ANXA8: variants seen among roughly 807,000 people sequenced by gnomAD.
ANXA8 encodes VAC-beta.
A neutral mutation model predicts 26.8 loss-of-function variants in ANXA8; 9 were observed. The observed-to-expected ratio is 0.34, with a 90% CI of 0.20 to 0.59. ANXA8 has a LOEUF of 0.59. Ranked by LOEUF, ANXA8 falls within the 20% of genes least tolerant of loss-of-function variation. The pLI is 0.84. For missense variants in ANXA8, 83 were observed against 238.5 expected (o/e 0.35, Z 4.29); for synonymous variants, 39 against 94.8 (o/e 0.41, Z 3.42).
intron 6 of ANXA8, 43 bp from the exon 7 acceptor site, chr10:47,475,047 C>A: frequency 2.0e-6 from 3 of 1,531,300 alleles, no homozygotes; most frequent in Non-Finnish European, 2.7e-6. Context: ...GCCAGCTGAC[C>A]AGAGCATTAA....
At chr10:47,685,466 G>A in the ANXA8 span, among the ~76,000 whole-genome samples, 3 of 151,458 alleles carry the variant, frequency 2.0e-5, no homozygotes, top group African/African-American at 7.3e-5. Context: ...GGACTGCTTC[G>A]TGTCATCCCT....
chr10:47,898,811 A>ATTTTTTTTTTTTTT, the ANXA8 span, among the ~76,000 whole-genome samples: 11 of 56,260 alleles, frequency 2.0e-4, no homozygotes, highest in African/African-American at 6.0e-4. Context: ...AAGAGAATGG[A>ATTTTTTTTTTTTTT]TTTTTTTTTT....
the ANXA8 span, among the ~76,000 whole-genome samples, chr10:47,755,486 A>G: frequency 6.7e-6 from 1 of 148,522 alleles, no homozygotes; most frequent in East Asian, 2.0e-4. Flanking sequence ...CGATCTCCTG[A>G]CCTCGTGATC....
At chr10:47,928,875 C>G in the ANXA8 span, among the ~76,000 whole-genome samples, 22 of 115,904 alleles carry the variant, frequency 1.9e-4, 2 homozygotes, top group South Asian at 6.3e-3. Flanking sequence ...TCACCTCAGC[C>G]TCTTGAATAG....
chr10:47,533,166 C>A, the ANXA8 span, among the ~76,000 whole-genome samples: 2 of 149,420 alleles, frequency 1.3e-5, no homozygotes, highest in African/African-American at 5.0e-5. Flanking sequence ...TGAAAGAAGT[C>A]ATTCCAAGTA....
chr10:47,480,900 C>CCATCCATT (rs1169158138), intron 1 of ANXA8, among the ~76,000 whole-genome samples: 2 of 139,378 alleles, frequency 1.4e-5, no homozygotes, highest in African/African-American at 5.1e-5. Context: ...ATCCATCCAT[C>CCATCCATT]CATCCATCGA....
At chr10:47,942,310 G>T in the ANXA8 span, among the ~76,000 whole-genome samples, 1 of 145,658 alleles carries the variant, frequency 6.9e-6, no homozygotes, top group African/African-American at 2.7e-5. Flanking sequence ...AAAACAAAAT[G>T]AAGGGGAAGC....
the ANXA8 span, among the ~76,000 whole-genome samples, chr10:47,492,339 C>A: frequency 1.1e-4 from 16 of 147,540 alleles, no homozygotes; most frequent in Non-Finnish European, 1.7e-4. Context: ...GCTCACTCAC[C>A]CAAGAGGCTC....
At chr10:47,741,034 T>C in the ANXA8 span, among the ~76,000 whole-genome samples, 1 of 150,240 alleles carries the variant, frequency 6.7e-6, no homozygotes, top group African/African-American at 2.4e-5. Flanking sequence ...ATTTTCACTG[T>C]AGCCATTCTA....
At chr10:47,950,330 T>C in the ANXA8 span, among the ~76,000 whole-genome samples, 9 of 152,178 alleles carry the variant, frequency 5.9e-5, no homozygotes, top group South Asian at 2.1e-4. Flanking sequence ...CAGTAACTTA[T>C]AGAACAAGTA....
chr10:47,694,417 C>CTT, the ANXA8 span, among the ~76,000 whole-genome samples: 59 of 107,956 alleles, frequency 5.5e-4, no homozygotes, highest in African/African-American at 9.9e-4. Context: ...AGAAATCTTC[C>CTT]TTTTTTTTTT....
At chr10:47,763,820 T>G in the ANXA8 span, among the ~76,000 whole-genome samples, 49 of 121,910 alleles carry the variant, frequency 4.0e-4, no homozygotes, top group African/African-American at 7.2e-4. Context: ...TGTGGGGGAG[T>G]GCGTGTTTTG....
At chr10:47,685,237 T>C in the ANXA8 span, among the ~76,000 whole-genome samples, 8 of 150,872 alleles carry the variant, frequency 5.3e-5, no homozygotes, top group African/African-American at 1.7e-4. Context: ...TCTCAGCTAC[T>C]TGGGAGGCTG....
chr10:47,651,647 C>T, the ANXA8 span, among the ~76,000 whole-genome samples: 2 of 150,074 alleles, frequency 1.3e-5, no homozygotes, highest in East Asian at 1.9e-4. Context: ...GAAATCCCAG[C>T]GCTTTGGAAG....
At chr10:47,533,224 C>CACACACACA in the ANXA8 span, among the ~76,000 whole-genome samples, 1 of 133,084 alleles carries the variant, frequency 7.5e-6, no homozygotes, top group African/African-American at 3.0e-5. Context: ...CACACACACA[C>CACACACACA]CCCCGCAGAC....
At chr10:47,710,863 G>C in the ANXA8 span, 1 of 412,656 alleles carries the variant, frequency 2.4e-6, no homozygotes, top group East Asian at 4.5e-5. Flanking sequence ...AATTTCTTCT[G>C]TTAAAATTTT....
chr10:47,572,578 G>A, the ANXA8 span, among the ~76,000 whole-genome samples: 8 of 150,990 alleles, frequency 5.3e-5, no homozygotes, highest in Non-Finnish European at 1.2e-4. Context: ...GTAGCCAGGC[G>A]TGGTGGCGGG....
At chr10:47,724,818 C>T in the ANXA8 span, among the ~76,000 whole-genome samples, 1 of 139,156 alleles carries the variant, frequency 7.2e-6, no homozygotes, top group Non-Finnish European at 1.6e-5. Context: ...AAGCCTCATA[C>T]TCATTAGCAG....
At chr10:47,941,173 C>A in the ANXA8 span, among the ~76,000 whole-genome samples, 1 of 146,246 alleles carries the variant, frequency 6.8e-6, no homozygotes, top group African/African-American at 2.6e-5. Context: ...CTTCCTTCTG[C>A]AGACAGGGGT....
Sources: allele counts gnomAD v4.1 joint callset (sites outside exome capture counted in the v4.1 genomes callset), GRCh38; gene constraint gnomAD v4.1.1; transcripts MANE v1.5; gene names NCBI Gene and HGNC (gene_info 2026-07-23, HGNC 2026-07-21).